The following RALGAPA2 variants were observed in gnomAD, a reference collection of about 807,000 sequenced individuals.
The protein encoded by RALGAPA2 is Ral GTPase activating protein catalytic subunit alpha 2.
Under a neutral mutation model 230.4 loss-of-function variants are expected in RALGAPA2, and 139 were observed. That is an observed-to-expected ratio of 0.60 (90% confidence interval 0.53 to 0.69). The LOEUF is 0.69. Among genes scored for constraint, RALGAPA2 ranks in the 30% least tolerant of loss-of-function variants. RALGAPA2 has a pLI of 0.00. For synonymous variants in RALGAPA2, 847 were observed against 837.8 expected (o/e 1.01, Z -0.19); for missense variants, 2,163 against 2,276.0 (o/e 0.95, Z 1.01).
chr20:20,481,610 A>C (rs1001082572), intron 36 of RALGAPA2, among the ~76,000 whole-genome samples: 13 of 152,226 alleles, frequency 8.5e-5, no homozygotes, highest in African/African-American at 3.1e-4. Context: ...ACTTAATACA[A>C]AGGTCTAGAA....
At chr20:20,509,740 A>G (rs2062647163) in intron 33 of RALGAPA2, among the ~76,000 whole-genome samples, 1 of 152,258 alleles carries the variant, frequency 6.6e-6, no homozygotes, top group South Asian at 2.1e-4. Flanking sequence ...TGCCCTTCTG[A>G]TTCCCACAAA....
chr20:20,505,960 T>C (rs1306368767), intron 33 of RALGAPA2, among the ~76,000 whole-genome samples: 3 of 152,208 alleles, frequency 2.0e-5, no homozygotes, highest in African/African-American at 4.8e-5. Flanking sequence ...AAATTGTGAA[T>C]AGATCTATGT....
rs1024956971 is a variant in RALGAPA2, at chr20:20,507,379, G to A, written c.4929-1845C>T. On this transcript the variant is annotated intron_variant, in intron 33 of 39. Transcript: ENST00000202677. ...TCTTTTTTTGAGATAGTCTCACTTC[G>A]TCACCCAGGCTGGAGTGCAATGGCG... Among the ~76,000 whole-genome samples the A allele has an allele frequency of 5.9e-5, 9 of 151,964 alleles. No homozygotes were observed. In the East Asian group the frequency reaches 1.2e-3, roughly 20 times the overall value.
At chr20:20,626,461 T>C (rs1483023966) in intron 10 of RALGAPA2, among the ~76,000 whole-genome samples, 2 of 152,240 alleles carry the variant, frequency 1.3e-5, no homozygotes, top group African/African-American at 4.8e-5. Flanking sequence ...TCATATGTAG[T>C]CTATAGTCAC....
chr20:20,594,728 CT>C (rs759189397), intron 16 of RALGAPA2, among the ~76,000 whole-genome samples: 175 of 134,014 alleles, frequency 1.3e-3, no homozygotes, highest in Admixed American at 1.9e-3. Flanking sequence ...CTATTACTTT[CT>C]TTTTTTTTTT....
intron 38 of RALGAPA2, among the ~76,000 whole-genome samples, chr20:20,411,246 A>G (rs1602290103): frequency 6.6e-6 from 1 of 152,220 alleles, no homozygotes; most frequent in East Asian, 1.9e-4. Flanking sequence ...ATTCTCTGAA[A>G]GGCAATTAAT....
chr20:20,434,694 A>C (rs117476471), intron 37 of RALGAPA2, among the ~76,000 whole-genome samples: 2,604 of 152,264 alleles, frequency 0.017, 30 homozygotes, highest in Middle Eastern at 0.034. Context: ...CCAGCACTTT[A>C]GGAAGCTGAT....
chr20:20,457,834 T>TGGGTGCACATGTGTGC (rs1556041974), intron 37 of RALGAPA2, among the ~76,000 whole-genome samples: 1 of 152,014 alleles, frequency 6.6e-6, no homozygotes, highest in Non-Finnish European at 1.5e-5. Flanking sequence ...CTGGGAGGTG[T>TGGGTGCACATGTGTGC]GGGTGCACAT....
chr20:20,567,088 A>G (rs191077322), intron 23 of RALGAPA2, among the ~76,000 whole-genome samples: 46 of 152,362 alleles, frequency 3.0e-4, no homozygotes, highest in Non-Finnish European at 4.1e-4. Flanking sequence ...AAATTACATT[A>G]AGACATTAAA....
intron 23 of RALGAPA2, among the ~76,000 whole-genome samples, chr20:20,557,721 C>G (rs891613754): frequency 2.6e-5 from 4 of 152,196 alleles, no homozygotes; most frequent in Non-Finnish European, 5.9e-5. Flanking sequence ...GAAAACACAA[C>G]ACTACTGAAT....
At chr20:20,558,322 G>T (rs932153924) in intron 23 of RALGAPA2, among the ~76,000 whole-genome samples, 3 of 152,078 alleles carry the variant, frequency 2.0e-5, no homozygotes, top group Non-Finnish European at 4.4e-5. Context: ...GCACTATTTT[G>T]AGGACTTACT....
intron 38 of RALGAPA2, among the ~76,000 whole-genome samples, chr20:20,407,966 C>T (rs1181702616): frequency 6.6e-6 from 1 of 152,212 alleles, no homozygotes; most frequent in Non-Finnish European, 1.5e-5. Context: ...CCCACTTGTT[C>T]TAAATCCTGG....
chr20:20,538,507 T>C (rs1024640924), intron 24 of RALGAPA2, among the ~76,000 whole-genome samples: 8 of 152,214 alleles, frequency 5.3e-5, no homozygotes, highest in African/African-American at 1.9e-4. Context: ...AAAAAGACGT[T>C]GCAGAGACAT....
chr20:20,430,996 G>A (rs1295649211), intron 37 of RALGAPA2, among the ~76,000 whole-genome samples: 1 of 152,094 alleles, frequency 6.6e-6, no homozygotes, highest in African/African-American at 2.4e-5. Context: ...CTCTTCCCAG[G>A]GCTTCTTGGT....
At chr20:20,669,525 G>T (rs1354489678) in intron 3 of RALGAPA2, among the ~76,000 whole-genome samples, 3 of 152,192 alleles carry the variant, frequency 2.0e-5, no homozygotes, top group Non-Finnish European at 4.4e-5. Context: ...CCAGGGGCCA[G>T]GTGCTGGACA....
rs373067146 is a variant in RALGAPA2, at chr20:20,629,470, T to A, written c.1126A>T (p.Ser376Cys). The A allele has an allele frequency of 8.7e-6, 14 of 1,613,888 alleles. No individual in the cohort carries two copies. In the African/African-American group the frequency reaches 1.7e-4, roughly 20 times the overall value. ...TLSDRRLSNS[S>C]LCSIEEEHRM... ...TGCTCTTCTTCAATGCTACAGAGGC[T>A]GGAGTTGCTGAGTCTTCGGTCCGAC... is the stretch of plus-strand genomic sequence containing the variant. The change falls in exon 10 of 40, where the codon AGC (serine) becomes TGC (cysteine). Residue 376 changes from serine to cysteine, a missense_variant. Physicochemically the swap from Ser to Cys is moderately radical, Grantham distance 112. Transcript: ENST00000202677.
chr20:20,712,237 A>T lies in RALGAPA2; in HGVS notation c.106+138T>A. ...AACAAAGCCCCGGGGGTCCAAGCCC[A>T]GATCCAGGGAAGGGGGTCGGACGCC... On this transcript the variant is annotated intron_variant, in intron 1 of 39. Transcript: ENST00000202677. The surrounding 1 kb of genome is among the most constrained non-coding windows in gnomAD (Gnocchi z 5.5). 1.2e-6 allele frequency: 1 copy of T among 839,022 alleles called. No individual in the cohort carries two copies. The highest frequency in any genetic ancestry group is 1.8e-6 in the Non-Finnish European group (1 of 567,692). The allele number at this position is 839,022 out of a possible 1,614,324, so 52.0% of individuals were successfully genotyped here.
intron 37 of RALGAPA2, among the ~76,000 whole-genome samples, chr20:20,436,767 G>A (rs751283237): frequency 5.3e-5 from 8 of 152,260 alleles, no homozygotes; most frequent in Non-Finnish European, 1.0e-4. Flanking sequence ...CGTTCTGGGA[G>A]AGGCAATGCG....
At position 20,389,984 on chromosome 20, in the gene RALGAPA2, A is replaced by G. The variant is rs1271382501; in HGVS notation, c.*3305T>C. On this transcript the variant is annotated 3_prime_UTR_variant, in exon 40 of 40. Transcript: ENST00000202677. ...TTCACTTCATGTGTATGTCATATGG[A>G]CAGACTGAGTGCAACTAAAACGATG... 6.6e-6 allele frequency: 1 copy of G among 152,218 alleles called. No homozygotes were observed. Among genetic ancestry groups the G allele is most frequent in the Non-Finnish European group, 1.5e-5 (1 of 68,024 alleles). The allele number at this position is 152,218 out of a possible 1,614,324, so 9.4% of individuals were successfully genotyped here. A position where few individuals can be genotyped will look rare whatever the true frequency, so the allele number is the denominator to read the frequency against.
Sources: gnomAD v4.1 joint callset for allele counts (sites outside exome capture counted in the v4.1 genomes callset) on GRCh38, gnomAD v4.1.1 for gene constraint, Gnocchi (gnomAD v3.1) non-coding constraint, MANE v1.5 for transcripts, NCBI Gene and HGNC (gene_info 2026-07-23, HGNC 2026-07-21) for gene names.